DOCK4: variants seen among roughly 807,000 people sequenced by gnomAD.
The protein encoded by DOCK4 is dedicator of cytokinesis protein 4.
In DOCK4, 97 loss-of-function variants were observed where a neutral mutation model predicts 268.1. The observed-to-expected ratio is 0.36, with a 90% confidence interval of 0.31 to 0.43. The LOEUF is 0.43. Among genes scored for constraint, DOCK4 ranks in the 20% least tolerant of loss-of-function variants. The pLI is 1.00. For synonymous variants in DOCK4, 954 were observed against 887.2 expected, an observed-to-expected ratio of 1.08 and a Z score of -1.34; for missense variants, 2,145 against 2,455.7, an observed-to-expected ratio of 0.87 and a Z score of 2.67.
intron 50 of DOCK4, among the ~76,000 whole-genome samples, chr7:111,736,116 C>T (rs932064239): frequency 6.6e-6 from 1 of 152,114 alleles, no homozygotes; most frequent in African/African-American, 2.4e-5. Context: ...CACTAATTTC[C>T]ATCTCCCAAG....
chr7:111,994,239 A>G lies in DOCK4; in HGVS notation c.219-8T>C. ...ATAACCATTTCAAATTGTCTGTGAAATTAAAAAAGAAAAAGTATATATGTA... is the reference window on the plus strand; with the variant it reads ...ATAACCATTTCAAATTGTCTGTGAAGTTAAAAAAGAAAAAGTATATATGTA... On this transcript the variant is annotated splice_polypyrimidine_tract_variant and splice_region_variant and intron_variant, in intron 4 of 52. Transcript: ENST00000428084. 1 of 1,548,704 alleles carries G rather than the reference A, an allele frequency of 6.5e-7. No individual in the cohort carries two copies. Among genetic ancestry groups the G allele is most frequent in the African/African-American group, 1.4e-5 (1 of 72,840 alleles).
At chr7:111,793,182 C>T (rs867295763) in intron 30 of DOCK4, among the ~76,000 whole-genome samples, 1 of 152,162 alleles carries the variant, frequency 6.6e-6, no homozygotes, top group African/African-American at 2.4e-5. Flanking sequence ...CTCAATGACA[C>T]GGAAGGGTAC....
chr7:112,081,124 G>A (rs903370148), intron 1 of DOCK4, among the ~76,000 whole-genome samples: 3 of 152,074 alleles, frequency 2.0e-5, no homozygotes, highest in South Asian at 2.1e-4. Flanking sequence ...ACAGGAAGGC[G>A]GGTAGTGGTG....
At chr7:111,768,054 A>G (rs1484662171) in intron 37 of DOCK4, among the ~76,000 whole-genome samples, 1 of 152,186 alleles carries the variant, frequency 6.6e-6, no homozygotes, top group African/African-American at 2.4e-5. Flanking sequence ...CTGTGTTCCA[A>G]TAAGAATTTA....
At chr7:111,853,158 T>G (rs1277454350) in intron 23 of DOCK4, among the ~76,000 whole-genome samples, 1 of 152,108 alleles carries the variant, frequency 6.6e-6, no homozygotes, top group Non-Finnish European at 1.5e-5. Flanking sequence ...ATTTCCTCCT[T>G]TAGGTTAATT....
At chr7:112,109,452 T>C (rs1015198180) in intron 1 of DOCK4, among the ~76,000 whole-genome samples, 1 of 152,178 alleles carries the variant, frequency 6.6e-6, no homozygotes, top group African/African-American at 2.4e-5. Context: ...AGCAGGACTG[T>C]TCTTTTGAAG....
At chr7:112,044,296 T>C (rs1444961954) in intron 1 of DOCK4, among the ~76,000 whole-genome samples, 1 of 152,196 alleles carries the variant, frequency 6.6e-6, no homozygotes, top group Non-Finnish European at 1.5e-5. Context: ...AAACACTGCG[T>C]GCTGGACTGG....
intron 25 of DOCK4, among the ~76,000 whole-genome samples, chr7:111,839,959 T>G (rs1431922457): frequency 6.6e-6 from 1 of 152,180 alleles, no homozygotes; most frequent in African/African-American, 2.4e-5. Flanking sequence ...TTTTAAGATA[T>G]TTTAAGAATG....
At chr7:111,853,102 T>A (rs1327315813) in intron 23 of DOCK4, among the ~76,000 whole-genome samples, 1 of 152,108 alleles carries the variant, frequency 6.6e-6, no homozygotes, top group Non-Finnish European at 1.5e-5. Flanking sequence ...CCATCAGTAA[T>A]CCCCACTGGA....
At chr7:112,046,755 A>G (rs1171577402) in intron 1 of DOCK4, among the ~76,000 whole-genome samples, 1 of 152,222 alleles carries the variant, frequency 6.6e-6, no homozygotes, top group Non-Finnish European at 1.5e-5. Flanking sequence ...GAGAGGGGCT[A>G]CATATGATGT....
At chr7:112,000,382 T>C (rs2135291979) in intron 3 of DOCK4, 112 bp downstream of exon 3, 2 of 670,784 alleles carry the variant, frequency 3.0e-6, no homozygotes, top group East Asian at 5.7e-5. Flanking sequence ...TGCAATATCA[T>C]TTGGCATTTC....
chr7:112,032,034 G>A (rs751899010), intron 1 of DOCK4, among the ~76,000 whole-genome samples: 1 of 152,120 alleles, frequency 6.6e-6, no homozygotes, highest in Non-Finnish European at 1.5e-5. Flanking sequence ...AAGTACAAGC[G>A]CTGAATCCAC....
chr7:112,189,097 A>T (rs189533750), intron 1 of DOCK4, among the ~76,000 whole-genome samples: 2 of 152,330 alleles, frequency 1.3e-5, no homozygotes, highest in East Asian at 1.9e-4. Context: ...AAAAATTTGG[A>T]ATGGGAAGCT....
intron 1 of DOCK4, among the ~76,000 whole-genome samples, chr7:112,184,549 G>A (rs555875756): frequency 1.1e-4 from 17 of 152,124 alleles, no homozygotes; most frequent in Middle Eastern, 3.4e-3. Flanking sequence ...GGAGCAAAAG[G>A]TACAAGCTAC....
chr7:112,052,097 T>C (rs1386304903), intron 1 of DOCK4, among the ~76,000 whole-genome samples: 1 of 152,186 alleles, frequency 6.6e-6, no homozygotes, highest in Non-Finnish European at 1.5e-5. Context: ...CTAGATTACT[T>C]ATGATACCTA....
chr7:111,994,673 G>A (rs1390154228), intron 4 of DOCK4, among the ~76,000 whole-genome samples: 1 of 151,992 alleles, frequency 6.6e-6, no homozygotes, highest in African/African-American at 2.4e-5. Context: ...GATGGCTGTG[G>A]GCATCCAAAC....
At chr7:111,734,926 A>G in intron 51 of DOCK4, 128 bp downstream of exon 51, 1 of 709,528 alleles carries the variant, frequency 1.4e-6, no homozygotes, top group East Asian at 2.7e-5. Flanking sequence ...TCAAGGAATT[A>G]TGCAGCTACT....
chr7:111,847,733 G>A (rs969624536), intron 23 of DOCK4, among the ~76,000 whole-genome samples: 12 of 152,024 alleles, frequency 7.9e-5, no homozygotes, highest in Non-Finnish European at 1.3e-4. Context: ...TTCACCTTCC[G>A]CCATGATTGT....
chr7:112,192,446 TTC>T (rs1820045096), intron 1 of DOCK4, among the ~76,000 whole-genome samples: 1 of 152,038 alleles, frequency 6.6e-6, no homozygotes, highest in Non-Finnish European at 1.5e-5. Flanking sequence ...TTTGTAGAAG[TTC>T]TGAGTCTTCC....
Sources: allele counts gnomAD v4.1 joint callset (sites outside exome capture counted in the v4.1 genomes callset), GRCh38; gene constraint gnomAD v4.1.1; transcripts MANE v1.5; gene names NCBI Gene and HGNC (gene_info 2026-07-23, HGNC 2026-07-21).